CKMT1A: variants seen among roughly 807,000 people sequenced by gnomAD.
CKMT1A encodes the protein creatine kinase U-type, mitochondrial.
In CKMT1A, 23 loss-of-function variants were observed where a neutral mutation model predicts 21.8. The ratio of observed to expected loss-of-function variants is 1.05; its 90% confidence interval spans 0.76 to 1.49. The LOEUF is 1.49. Among genes scored for constraint, CKMT1A ranks in the 40% most tolerant of loss-of-function variants. The pLI is 0.00. For synonymous variants in CKMT1A, 67 were observed against 80.4 expected, an observed-to-expected ratio of 0.83 and a Z score of 0.89; for missense variants, 154 against 229.4, an observed-to-expected ratio of 0.67 and a Z score of 2.12.
chr15:43,698,041 T>A lies in CKMT1A; in HGVS notation c.904T>A (p.Trp302Arg). 1 of 1,613,374 alleles carries A rather than the reference T, an allele frequency of 6.2e-7. No individual in the cohort carries two copies. The highest frequency in any genetic ancestry group is 2.2e-5 in the East Asian group (1 of 44,872). The change falls in exon 7 of 9, where the codon TGG (tryptophan) becomes AGG (arginine). Residue 302 changes from tryptophan (W) to arginine (R), a missense_variant. Transcript: ENST00000413453. ...EVERLIQERG[W>R]EFMWNERLGY... is the part of the protein sequence containing the mutation. Reference sequence around the variant, plus strand: ...GGAGAGACTTATCCAAGAACGTGGCTGGGAGTTCATGTGGAATGAGCGTTT... The same window carrying A: ...GGAGAGACTTATCCAAGAACGTGGCAGGGAGTTCATGTGGAATGAGCGTTT...
chr15:43,697,372 T>C (rs1434376003), intron 6 of CKMT1A: 2 of 984,694 alleles, frequency 2.0e-6, no homozygotes, highest in African/African-American at 3.5e-5. Context: ...AGGATCCCTT[T>C]ACTCATGTTG....
intron 7 of CKMT1A, 150 bp downstream of exon 7, chr15:43,698,298 C>T (rs1449750803): frequency 8.0e-6 from 10 of 1,253,962 alleles, no homozygotes; most frequent in Non-Finnish European, 1.1e-5. Flanking sequence ...CCTCTAATCC[C>T]AACACTTGGG....
rs760234339 is a variant in CKMT1A, at chr15:43,696,348, C to T, written c.861C>T (p.Cys287=). The T allele has an allele frequency of 6.2e-7, 1 of 1,610,438 alleles. No individual in the cohort carries two copies. Among genetic ancestry groups the T allele is most frequent in the Non-Finnish European group, 8.5e-7 (1 of 1,178,998 alleles). Residue 287 remains cysteine, a synonymous_variant, in exon 6 of 9, where the codon TGC becomes TGT. Coordinates refer to ENST00000413453, the MANE Select transcript of CKMT1A (RefSeq NM_001321926.2). ...TGAAGAGAGTGTTTGAAAGATTCTGCCGAGGCCTCAAAGAGGTTAGAGAAG... is the reference window on the plus strand; with the variant it reads ...TGAAGAGAGTGTTTGAAAGATTCTGTCGAGGCCTCAAAGAGGTTAGAGAAG... The part of the protein sequence containing the change: ...GNMKRVFERF[C]RGLKEVERLI...
At position 43,696,107 on chromosome 15, in the gene CKMT1A, A is replaced by G; in HGVS notation, c.735A>G (p.Pro245=). 1 of 719,374 alleles carries G rather than the reference A, an allele frequency of 1.4e-6. No homozygotes were observed. The highest frequency in any genetic ancestry group is 2.8e-5 in the East Asian group (1 of 36,150). 44.6% of individuals were successfully genotyped at this position (719,374 alleles called of 1,614,324 possible). ...LTAAGMARDW[P]DARGIWHNNE... is the part of the protein sequence containing the mutation. ...CAGCAGGAATGGCTCGAGACTGGCC[A>G]GATGCTCGTGGAATTTGGTATGAAG... The change falls in exon 5 of 9, where the codon CCA becomes CCG. Residue 245 remains proline (P), a synonymous_variant. Coordinates refer to ENST00000413453, the MANE Select transcript of CKMT1A (RefSeq NM_001321926.2).
At chr15:43,696,485 C>G in intron 6 of CKMT1A, 122 bp downstream of exon 6, 1 of 1,482,386 alleles carries the variant, frequency 6.7e-7, no homozygotes, top group South Asian at 1.2e-5. Flanking sequence ...AAAGGACTAC[C>G]TAGGACTCAC....
intron 6 of CKMT1A, chr15:43,697,472 A>G: frequency 1.0e-6 from 1 of 984,350 alleles, no homozygotes; most frequent in Non-Finnish European, 1.2e-6. Context: ...TAATGGAAGC[A>G]AAATGCCTTC....
intron 6 of CKMT1A, chr15:43,696,876 C>A (rs574365605): frequency 3.3e-6 from 1 of 300,506 alleles, no homozygotes; most frequent in East Asian, 8.5e-5. Flanking sequence ...TAGAATGGTT[C>A]GAGTTCTAGA....
chr15:43,699,194 T>C lies in CKMT1A; in HGVS notation c.*105T>C. ...CCTGCCCTCGCATCCCCTGCCTCCA[T>C]CCTAGTAAAGACTCCTTGCTATGCT... On this transcript the variant is annotated 3_prime_UTR_variant, in exon 9 of 9. Transcript: ENST00000413453. 8 of 1,580,518 alleles carry C rather than the reference T, an allele frequency of 5.1e-6. No individual in the cohort carries two copies. The South Asian group carries it at 9.2e-5, about 18-fold the overall frequency.
chr15:43,697,671 G>A (rs894235493), intron 6 of CKMT1A: 3 of 984,802 alleles, frequency 3.0e-6, no homozygotes, highest in African/African-American at 1.8e-5. Flanking sequence ...AAAGATAATC[G>A]ATGCATGCAG....
chr15:43,697,501 A>G (rs908119212), intron 6 of CKMT1A: 2 of 984,354 alleles, frequency 2.0e-6, no homozygotes, highest in African/African-American at 3.5e-5. Flanking sequence ...CCCTATTCCT[A>G]TGAATCTGGC....
At chr15:43,697,976 T>C (rs1567143873) in intron 6 of CKMT1A, 38 bp from the exon 7 acceptor site, 2 of 1,613,376 alleles carry the variant, frequency 1.2e-6, no homozygotes, top group Non-Finnish European at 1.7e-6. Context: ...TAATGAAATA[T>C]CCCTGATTTT....
chr15:43,697,595 G>A, intron 6 of CKMT1A: 1 of 984,120 alleles, frequency 1.0e-6, no homozygotes, highest in Non-Finnish European at 1.2e-6. Context: ...CCTCTTCCTG[G>A]CAAAGCTTAC....
At position 43,696,142 on chromosome 15, in the gene CKMT1A, A is replaced by G. The variant is rs763694556; in HGVS notation, c.752+18A>G. 2.0e-6 allele frequency: 2 copies of G among 988,428 alleles called. No homozygotes were observed. The highest frequency in any genetic ancestry group is 1.5e-6 in the Non-Finnish European group (1 of 680,424). 61.2% of individuals were successfully genotyped at this position (988,428 alleles called of 1,614,324 possible). ...GGAATTTGGTATGAAGCTGCTCATTACCTCTTTTGTCTTCATGCCCTCATA... is the reference window on the plus strand; with the variant it reads ...GGAATTTGGTATGAAGCTGCTCATTGCCTCTTTTGTCTTCATGCCCTCATA... On this transcript the variant is annotated intron_variant, in intron 5 of 8. Transcript: ENST00000413453.
chr15:43,697,334 G>A (rs2467428), intron 6 of CKMT1A: 137 of 1,259,004 alleles, frequency 1.1e-4, no homozygotes, highest in Non-Finnish European at 1.4e-4. Flanking sequence ...GATATCCCTG[G>A]TGGCATGGTT....
At chr15:43,697,911 A>G (rs911966706) in intron 6 of CKMT1A, 103 bp from the exon 7 acceptor site, 50 of 1,530,980 alleles carry the variant, frequency 3.3e-5, no homozygotes, top group East Asian at 1.1e-4. Context: ...CCAAGTTTCT[A>G]TTCTAGACAA....
chr15:43,698,929 A>G (rs376268853), intron 8 of CKMT1A, 44 bp from the exon 9 acceptor site: 5 of 1,611,538 alleles, frequency 3.1e-6, no homozygotes, highest in African/African-American at 1.3e-5. Flanking sequence ...ATAAAGAAAA[A>G]CTCAGACTGT....
intron 7 of CKMT1A, 116 bp downstream of exon 7, chr15:43,698,264 A>C: frequency 6.7e-7 from 1 of 1,501,152 alleles, no homozygotes; most frequent in Non-Finnish European, 9.1e-7. Context: ...GGGTCAGAGG[A>C]CAGGCCAGGC....
Position 43,696,117 on chromosome 15 carries a change from G to A in CKMT1A, c.745G>A (p.Gly249Arg), listed in dbSNP as rs2086439105. Residue 249 changes from glycine to arginine, a missense_variant, in exon 5 of 9, where the codon GGA becomes AGA. Gly to Arg is a moderately radical substitution (Grantham distance 125). Transcript: ENST00000413453. ...GMARDWPDARGIWHNNEKSFL... is the reference protein window; with the variant it reads ...GMARDWPDARRIWHNNEKSFL... ...GGCTCGAGACTGGCCAGATGCTCGT[G>A]GAATTTGGTATGAAGCTGCTCATTA... The A allele has an allele frequency of 2.6e-6, 2 of 771,022 alleles. No homozygotes were observed. Among genetic ancestry groups the A allele is most frequent in the Non-Finnish European group, 4.0e-6 (2 of 504,890 alleles). 47.8% of individuals were successfully genotyped at this position (771,022 alleles called of 1,614,324 possible). A position where few individuals can be genotyped will look rare whatever the true frequency, so the allele number is the denominator to read the frequency against.
intron 6 of CKMT1A, 116 bp downstream of exon 6, chr15:43,696,479 G>A (rs753571301): frequency 9.3e-6 from 14 of 1,500,886 alleles, no homozygotes; most frequent in East Asian, 9.0e-5. Context: ...TGGTAAAAAG[G>A]ACTACCTAGG....
Sources: allele counts gnomAD v4.1 joint callset, GRCh38; gene constraint gnomAD v4.1.1; transcripts MANE v1.5; gene names NCBI Gene and HGNC (gene_info 2026-07-23, HGNC 2026-07-21).